The following KCP variants were observed in gnomAD, a reference collection of about 807,000 sequenced individuals.
KCP encodes the protein kielin cysteine rich BMP regulator.
Under a neutral mutation model 212.7 loss-of-function variants are expected in KCP, and 194 were observed. The ratio of observed to expected loss-of-function variants is 0.91; its 90% CI spans 0.81 to 1.03. The LOEUF is 1.03. Ranked by LOEUF, KCP falls within the 50% of genes least tolerant of loss-of-function variation. The probability of loss-of-function intolerance (pLI) is 0.00; values close to 1 mark genes in which losing one functional copy is unlikely to be tolerated. For missense variants in KCP, 2,080 were observed against 2,162.5 expected (o/e 0.96, Z 0.76); for synonymous variants, 833 against 865.3 (o/e 0.96, Z 0.65).
Position 128,881,020 on chromosome 7 carries a change from C to G in KCP, c.3490G>C (p.Ala1164Pro). The change falls in exon 32 of 40, where the codon GCG (alanine) becomes CCG (proline). Residue 1164 changes from alanine to proline, a missense_variant. Coordinates refer to ENST00000610776, the MANE Select transcript of KCP (RefSeq NM_001366122.1). ...ACATGGCAGGTGCAGGCGATGCACGCATTGCTGGGGTCCCGCCAGCTCTCT... is the reference window on the plus strand; with the variant it reads ...ACATGGCAGGTGCAGGCGATGCACGGATTGCTGGGGTCCCGCCAGCTCTCT... ...DGESWRDPSN[A>P]CIACTCHRGH... 1 of 398,916 alleles carries G rather than the reference C, an allele frequency of 2.5e-6. No homozygotes were observed. Among genetic ancestry groups the G allele is most frequent in the Non-Finnish European group, 4.4e-6 (1 of 226,308 alleles). 24.7% of individuals were successfully genotyped at this position (398,916 alleles called of 1,614,324 possible).
In KCP at chr7:128,885,141, GC is replaced by G; in HGVS notation, c.2995del (p.Ala999ProfsTer86). 6.4e-7 allele frequency: 1 copy of G among 1,550,856 alleles called. No homozygotes were observed. The highest frequency in any genetic ancestry group is 1.7e-4 in the Middle Eastern group (1 of 5,986). On this transcript the variant is annotated frameshift_variant, in exon 27 of 40. Transcript: ENST00000610776. LOFTEE classifies it high-confidence loss of function. ...GTCATGGGGCCCTTGGCGGGGCTGG[GC>G]GCAAGAGCTGATGCACTGGATGCGT... ...CARIQCISSC[A>X]QPRQGPHDCC...
intron 31 of KCP, 95 bp from the exon 32 acceptor site, chr7:128,881,180 C>T: frequency 2.5e-6 from 1 of 398,760 alleles, no homozygotes; most frequent in Non-Finnish European, 4.4e-6. Context: ...GGAAAGCACC[C>T]ACTCCGTGTC....
At chr7:128,906,205 C>A in intron 5 of KCP, 74 bp downstream of exon 5, 1 of 1,279,208 alleles carries the variant, frequency 7.8e-7, no homozygotes, top group Non-Finnish European at 1.1e-6. Flanking sequence ...CCCAGACTCA[C>A]TGAGGTGGCA....
intron 22 of KCP, among the ~76,000 whole-genome samples, chr7:128,887,938 CAT>C (rs369763027): frequency 1.1e-4 from 16 of 149,954 alleles, no homozygotes; most frequent in African/African-American, 3.4e-4. Flanking sequence ...CATACAAACA[CAT>C]AGCCACACAC....
chr7:128,876,906 C>A lies in KCP; in HGVS notation c.*137G>T. 1 of 1,012,554 alleles carries A rather than the reference C, an allele frequency of 9.9e-7. No individual in the cohort carries two copies. The allele number at this position is 1,012,554 out of a possible 1,614,324, so 62.7% of individuals were successfully genotyped here. A position where few individuals can be genotyped will look rare whatever the true frequency, so the allele number is the denominator to read the frequency against. On this transcript the variant is annotated 3_prime_UTR_variant, in exon 40 of 40. Coordinates refer to ENST00000610776, the MANE Select transcript of KCP (RefSeq NM_001366122.1). Reference sequence around the variant, plus strand: ...GTTTACTGCTGGTGACTCAACATGGCGGGGGTCTTTGCAGGGCAGGGGCCC... The same window carrying A: ...GTTTACTGCTGGTGACTCAACATGGAGGGGGTCTTTGCAGGGCAGGGGCCC...
At chr7:128,904,694 G>A (rs925644177) in intron 5 of KCP, among the ~76,000 whole-genome samples, 1 of 152,190 alleles carries the variant, frequency 6.6e-6, no homozygotes, top group African/African-American at 2.4e-5. Flanking sequence ...CCCCAACCCC[G>A]TGGCCCTGGG....
At chr7:128,895,703 C>T (rs923716525) in intron 8 of KCP, among the ~76,000 whole-genome samples, 1 of 152,164 alleles carries the variant, frequency 6.6e-6, no homozygotes, top group Non-Finnish European at 1.5e-5. Flanking sequence ...CAAAACCCAC[C>T]AAAACCAAGA....
chr7:128,903,093 A>C, intron 7 of KCP: 1 of 566,288 alleles, frequency 1.8e-6, no homozygotes, highest in African/African-American at 1.9e-5. Flanking sequence ...GCATAGCCAC[A>C]CCCATGTGCC....
chr7:128,896,429 G>A (rs530807477), intron 8 of KCP, among the ~76,000 whole-genome samples: 1 of 152,212 alleles, frequency 6.6e-6, no homozygotes, highest in African/African-American at 2.4e-5. Context: ...GTTAAGAATG[G>A]GTTTGGCACT....
chr7:128,878,951 T>A, intron 37 of KCP: 1 of 522,328 alleles, frequency 1.9e-6, no homozygotes, highest in Non-Finnish European at 3.4e-6. Context: ...TGCCCACAGC[T>A]CCTGCATGAG....
intron 8 of KCP, 35 bp downstream of exon 8, chr7:128,902,742 G>A: frequency 6.5e-7 from 1 of 1,528,834 alleles, no homozygotes; most frequent in South Asian, 1.2e-5. Context: ...TGAGGGCAGG[G>A]AGGGGGACAG....
intron 8 of KCP, among the ~76,000 whole-genome samples, chr7:128,900,992 C>T (rs1794811504): frequency 6.6e-6 from 1 of 152,172 alleles, no homozygotes; most frequent in African/African-American, 2.4e-5. Flanking sequence ...TTCTAAGTCA[C>T]AGGATGAGAT....
At position 128,885,139 on chromosome 7, in the gene KCP, G is replaced by A. The variant is rs1187567921; in HGVS notation, c.2998C>T (p.Gln1000Ter). ...ARIQCISSCAQPRQGPHDCCP... is the reference protein window; with the variant it reads ...ARIQCISSCA ...CAGTCATGGGGCCCTTGGCGGGGCT[G>A]GGCGCAAGAGCTGATGCACTGGATG... The change falls in exon 27 of 40, where the codon CAG (glutamine) becomes TAG (stop). Residue 1000 changes from glutamine (Q) to a stop codon, truncating the protein, a stop_gained. Coordinates refer to ENST00000610776, the MANE Select transcript of KCP (RefSeq NM_001366122.1). LOFTEE classifies it high-confidence loss of function. The A allele has an allele frequency of 3.2e-6, 5 of 1,550,732 alleles. No individual in the cohort carries two copies. The highest frequency in any genetic ancestry group is 2.7e-5 in the African/African-American group (2 of 73,060).
chr7:128,883,145 CTT>C (rs550292146), intron 29 of KCP, among the ~76,000 whole-genome samples: 1 of 143,314 alleles, frequency 7.0e-6, no homozygotes, highest in Non-Finnish European at 1.5e-5. Flanking sequence ...TTTTTTCTTT[CTT>C]TTTTTTTTTT....
intron 5 of KCP, 49 bp downstream of exon 5, chr7:128,906,230 G>T: frequency 6.9e-7 from 1 of 1,444,842 alleles, no homozygotes. Context: ...GTGTCTGTGG[G>T]CCAGAGAAGG....
chr7:128,896,625 T>G (rs1385221924), intron 8 of KCP, among the ~76,000 whole-genome samples: 1 of 151,848 alleles, frequency 6.6e-6, no homozygotes, highest in Non-Finnish European at 1.5e-5. Context: ...TCGCGGTGGC[T>G]CACACACCTG....
intron 8 of KCP, among the ~76,000 whole-genome samples, chr7:128,895,511 G>T (rs1025700067): frequency 6.6e-6 from 1 of 152,234 alleles, no homozygotes; most frequent in Admixed American, 6.5e-5. Context: ...GAGGGAGGAC[G>T]TGGTTGTGTC....
At position 128,886,885 on chromosome 7, in the gene KCP, CAG is replaced by C. The variant is rs1563027713; in HGVS notation, c.2678_2679del (p.Pro893ArgfsTer19). On this transcript the variant is annotated frameshift_variant, in exon 24 of 40. Coordinates refer to ENST00000610776, the MANE Select transcript of KCP (RefSeq NM_001366122.1). LOFTEE classifies it high-confidence loss of function. ...GAGGAAGGCAGCTCACTGTGGCAAA[CAG>C]GGCAGAAGCAGGGGCCTGGAGAGGG... ...PHPSPGPCFC[P>X]VCHSCLSQGR... The C allele has an allele frequency of 3.3e-6, 5 of 1,524,974 alleles. No individual in the cohort carries two copies. Among genetic ancestry groups the C allele is most frequent in the South Asian group, 1.2e-5 (1 of 82,718 alleles). The allele number at this position is 1,524,974 out of a possible 1,614,324, so 94.5% of individuals were successfully genotyped here.
rs1532222 is a variant in KCP, at chr7:128,876,891, G to T, written c.*152C>A. 183,073 of 844,858 alleles carry T rather than the reference G, an allele frequency of 0.22. 28,173 individuals carry two copies. The highest frequency in any genetic ancestry group is 0.66 in the African/African-American group (36,791 of 55,920). The allele number at this position is 844,858 out of a possible 1,614,324, so 52.3% of individuals were successfully genotyped here. ...TCGGGCAGGCCTAGAGTTTACTGCT[G>T]GTGACTCAACATGGCGGGGGTCTTT... is the stretch of plus-strand genomic sequence containing the variant. On this transcript the variant is annotated 3_prime_UTR_variant, in exon 40 of 40. Transcript: ENST00000610776.
Sources: allele counts gnomAD v4.1 joint callset (sites outside exome capture counted in the v4.1 genomes callset), GRCh38; gene constraint gnomAD v4.1.1; transcripts MANE v1.5; gene names NCBI Gene and HGNC (gene_info 2026-07-23, HGNC 2026-07-21).